The following CDH18 variants were observed in gnomAD, a reference collection of about 807,000 sequenced individuals.
The protein encoded by CDH18 is cadherin-18.
In CDH18, 31 loss-of-function variants were observed where a neutral mutation model predicts 67.9. That is an observed-to-expected ratio of 0.46 (90% CI 0.34 to 0.62). The LOEUF is 0.62. CDH18 is among the 20% of genes least tolerant of loss of function. The pLI is 0.01. For synonymous variants in CDH18, 362 were observed against 347.2 expected, an observed-to-expected ratio of 1.04 and a Z score of -0.48; for missense variants, 890 against 975.5, an observed-to-expected ratio of 0.91 and a Z score of 1.17.
chr5:19,595,766 T>C (rs1467444373), intron 6 of CDH18, among the ~76,000 whole-genome samples: 1 of 152,244 alleles, frequency 6.6e-6, no homozygotes, highest in Non-Finnish European at 1.5e-5. Flanking sequence ...TTCTCAGCTC[T>C]CTTTCATAAG....
At chr5:19,795,558 A>C (rs527771113) in intron 3 of CDH18, among the ~76,000 whole-genome samples, 1 of 152,288 alleles carries the variant, frequency 6.6e-6, no homozygotes, top group South Asian at 2.1e-4. Context: ...ACAGTCCACA[A>C]AAATTAGGCC....
At chr5:19,563,567 A>T (rs556512060) in intron 8 of CDH18, among the ~76,000 whole-genome samples, 62 of 152,242 alleles carry the variant, frequency 4.1e-4, no homozygotes, top group African/African-American at 1.3e-3. Context: ...TTTGTGAGCA[A>T]ATGGTGTAGC....
chr5:19,475,010 T>C (rs1223616777), intron 12 of CDH18, among the ~76,000 whole-genome samples: 1 of 152,168 alleles, frequency 6.6e-6, no homozygotes, highest in Non-Finnish European at 1.5e-5. Flanking sequence ...ACTGCTCTTT[T>C]CCTGCTCAGC....
In CDH18 at chr5:20,249,468, C is replaced by T. The variant is rs542408021; in HGVS notation, c.-518+5976G>A. ...CGCGATATTGGCTCACTGCAAGCTC[C>T]GCCTTCCGGGTTCACGCCATTCTCC... On this transcript the variant is annotated intron_variant, in intron 2 of 14. Transcript: ENST00000507958. Among the ~76,000 whole-genome samples the T allele has an allele frequency of 4.4e-4, 66 of 151,122 alleles. 1 individual carries two copies. The Middle Eastern group carries it at 0.01, about 23-fold the overall frequency.
chr5:19,870,051 T>C (rs1201887113), intron 2 of CDH18, among the ~76,000 whole-genome samples: 1 of 152,160 alleles, frequency 6.6e-6, no homozygotes, highest in African/African-American at 2.4e-5. Flanking sequence ...TTTGCCATTT[T>C]ATAAACCAAA....
intron 5 of CDH18, among the ~76,000 whole-genome samples, chr5:19,644,362 G>T (rs552735950): frequency 1.1e-4 from 16 of 151,606 alleles, no homozygotes; most frequent in Non-Finnish European, 2.2e-4. Context: ...ATCCCATCAT[G>T]GTTTGATTTC....
chr5:20,545,163 T>A (rs1345852769), intron 1 of CDH18, among the ~76,000 whole-genome samples: 1 of 152,198 alleles, frequency 6.6e-6, no homozygotes, highest in East Asian at 1.9e-4. Flanking sequence ...TCCCAAGGCC[T>A]TTGGCAACTG....
chr5:19,552,277 A>G (rs1737587185), intron 8 of CDH18, among the ~76,000 whole-genome samples: 1 of 152,136 alleles, frequency 6.6e-6, no homozygotes, highest in Non-Finnish European at 1.5e-5. Context: ...TAATATTTAA[A>G]CATTGCACAA....
chr5:19,909,032 CA>C (rs1790834751), intron 2 of CDH18, among the ~76,000 whole-genome samples: 1 of 152,164 alleles, frequency 6.6e-6, no homozygotes, highest in Non-Finnish European at 1.5e-5. Context: ...ACTGGGAGCA[CA>C]TCTCCTATCC....
At chr5:20,477,275 G>A (rs1298452939) in intron 1 of CDH18, among the ~76,000 whole-genome samples, 1 of 152,086 alleles carries the variant, frequency 6.6e-6, no homozygotes, top group Non-Finnish European at 1.5e-5. Flanking sequence ...CATCCTGCAC[G>A]CTCAACTATC....
intron 1 of CDH18, among the ~76,000 whole-genome samples, chr5:20,412,573 G>A (rs1746881686): frequency 6.6e-6 from 1 of 152,132 alleles, no homozygotes; most frequent in Admixed American, 6.5e-5. Context: ...CTACAGAATG[G>A]AAGAAATATT....
intron 1 of CDH18, among the ~76,000 whole-genome samples, chr5:20,276,519 C>T (rs933511190): frequency 1.3e-5 from 2 of 152,176 alleles, no homozygotes; most frequent in African/African-American, 4.8e-5. Flanking sequence ...CCCTTGAGCC[C>T]TGAATAGTCA....
chr5:19,985,574 C>T lies in CDH18; in HGVS notation c.-376+2512G>A, dbSNP rs1317989338. On this transcript the variant is annotated intron_variant, in intron 1 of 12. Transcript: ENST00000382275. ...GAGAATAGGTATGCTACTAAGGAGC[C>T]TACAATACACAGAAAAGTCCCCCAG... Among the ~76,000 whole-genome samples, 3 of 151,792 alleles carry T rather than the reference C, an allele frequency of 2.0e-5. No individual in the cohort carries two copies. In the East Asian group the frequency reaches 5.8e-4, roughly 29 times the overall value.
intron 3 of CDH18, among the ~76,000 whole-genome samples, chr5:19,756,111 C>T (rs561872699): frequency 6.6e-6 from 1 of 152,158 alleles, no homozygotes; most frequent in East Asian, 1.9e-4. Flanking sequence ...ATAATTACAC[C>T]TAACGTAATA....
chr5:19,593,077 T>C (rs72737502), intron 6 of CDH18, among the ~76,000 whole-genome samples: 30,889 of 151,996 alleles, frequency 0.2, 3,407 homozygotes, highest in East Asian at 0.39. Flanking sequence ...TCTATGGACA[T>C]TTAGATTGTT....
intron 2 of CDH18, among the ~76,000 whole-genome samples, chr5:20,253,448 G>T (rs1009684224): frequency 6.6e-6 from 1 of 152,136 alleles, no homozygotes; most frequent in Non-Finnish European, 1.5e-5. Context: ...TCAAAATCTG[G>T]ATGCTAAGGA....
chr5:19,924,041 T>C (rs558794100), intron 2 of CDH18, among the ~76,000 whole-genome samples: 1 of 152,202 alleles, frequency 6.6e-6, no homozygotes, highest in African/African-American at 2.4e-5. Flanking sequence ...AGCATTGTCA[T>C]AGCTGGCTTA....
intron 5 of CDH18, among the ~76,000 whole-genome samples, chr5:19,668,884 T>C (rs1031425236): frequency 1.3e-5 from 2 of 151,832 alleles, no homozygotes; most frequent in Admixed American, 1.3e-4. Flanking sequence ...AAGCAGGCCA[T>C]TGTTCTGTAC....
intron 2 of CDH18, among the ~76,000 whole-genome samples, chr5:20,115,132 T>C (rs1327650712): frequency 6.6e-6 from 1 of 152,086 alleles, no homozygotes; most frequent in Non-Finnish European, 1.5e-5. Flanking sequence ...TGGTTCTTGG[T>C]GAGGATCCAC....
Sources: allele counts gnomAD v4.1 joint callset (sites outside exome capture counted in the v4.1 genomes callset), GRCh38; gene constraint gnomAD v4.1.1; transcripts MANE v1.5; gene names NCBI Gene and HGNC (gene_info 2026-07-23, HGNC 2026-07-21).